Variants in RFTN2 observed in about 807,000 individuals in gnomAD.
RFTN2 encodes the protein raftlin family member 2.
In RFTN2, 34 loss-of-function variants were observed where a neutral mutation model predicts 52.7. The ratio of observed to expected loss-of-function variants is 0.64; its 90% CI spans 0.49 to 0.86. The LOEUF (loss-of-function observed/expected upper bound fraction) is 0.86, where lower values mean the gene tolerates loss of function less well. RFTN2 is among the 40% of genes least tolerant of loss of function. RFTN2 has a pLI of 0.00. For synonymous variants in RFTN2, 203 were observed against 217.7 expected (o/e 0.93, Z 0.59); for missense variants, 536 against 600.1 (o/e 0.89, Z 1.12).
At chr2:197,665,312 T>G (rs1303535573) in intron 1 of RFTN2, among the ~76,000 whole-genome samples, 1 of 152,148 alleles carries the variant, frequency 6.6e-6, no homozygotes, top group Non-Finnish European at 1.5e-5. Context: ...ATCCAATGTT[T>G]CTTTGTTATT....
chr2:197,663,440 C>G (rs917567577), intron 1 of RFTN2, among the ~76,000 whole-genome samples: 1 of 152,138 alleles, frequency 6.6e-6, no homozygotes. Flanking sequence ...CTGTCCAGTT[C>G]TGTGGTAATG....
chr2:197,575,708 T>C (rs1214117131), intron 8 of RFTN2, among the ~76,000 whole-genome samples: 1 of 144,362 alleles, frequency 6.9e-6, no homozygotes, highest in Non-Finnish European at 1.5e-5. Context: ...AAGGCCAGCT[T>C]AGGCAACATG....
intron 8 of RFTN2, among the ~76,000 whole-genome samples, chr2:197,583,602 T>G (rs1416843720): frequency 2.0e-5 from 3 of 151,864 alleles, no homozygotes; most frequent in Non-Finnish European, 4.4e-5. Flanking sequence ...GCCTCCAACT[T>G]AAAAAGGACT....
At chr2:197,618,056 C>A in intron 5 of RFTN2, 135 bp from the exon 6 acceptor site, 1 of 470,650 alleles carries the variant, frequency 2.1e-6, no homozygotes, top group Non-Finnish European at 3.3e-6. Context: ...TGCCCCCTCC[C>A]CCTCCCCCTC....
chr2:197,625,046 A>C (rs959642576), intron 5 of RFTN2, among the ~76,000 whole-genome samples: 1 of 152,018 alleles, frequency 6.6e-6, no homozygotes, highest in African/African-American at 2.4e-5. Flanking sequence ...CAGAGGCAAG[A>C]CCCTCTACCA....
At chr2:197,665,059 T>C (rs1325938232) in intron 1 of RFTN2, among the ~76,000 whole-genome samples, 1 of 152,184 alleles carries the variant, frequency 6.6e-6, no homozygotes, top group Non-Finnish European at 1.5e-5. Flanking sequence ...GCGCACTACC[T>C]GGGTGACTGG....
Position 197,572,017 on chromosome 2 carries a change from A to G in RFTN2, c.1497T>C (p.Thr499=), listed in dbSNP as rs1290264776. 1.9e-6 allele frequency: 3 copies of G among 1,614,034 alleles called. No homozygotes were observed. In the African/African-American group the frequency reaches 4.0e-5, roughly 22 times the overall value. The part of the protein sequence containing the change: ...FDQEDGVTQV[T]CM Reference sequence around the variant, plus strand: ...TGCTTCACCTCATGGCTCACATACAAGTGACCTGAGTCACTCCATCTTCCT... The same window carrying G: ...TGCTTCACCTCATGGCTCACATACAGGTGACCTGAGTCACTCCATCTTCCT... The change falls in exon 9 of 9, where the codon ACT becomes ACC. Residue 499 remains threonine, a synonymous_variant. Transcript: ENST00000295049.
chr2:197,633,810 C>T lies in RFTN2; in HGVS notation c.626G>A (p.Ser209Asn), dbSNP rs778703740. 1 of 1,613,896 alleles carries T rather than the reference C, an allele frequency of 6.2e-7. No individual in the cohort carries two copies. The highest frequency in any genetic ancestry group is 8.5e-7 in the Non-Finnish European group (1 of 1,179,848). The part of the protein sequence containing the change: ...EGTLSGQSSE[S>N]GIEEELHHES... The stretch of plus-strand genomic sequence containing the variant: ...ATGATGAAGTTCTTCCTCAATTCCG[C>T]TTTCAGATGACTGCCCACTTAACGT... The change falls in exon 4 of 9, where the codon AGC becomes AAC. Residue 209 changes from serine to asparagine, a missense_variant. Coordinates refer to ENST00000295049, the MANE Select transcript of RFTN2 (RefSeq NM_144629.3).
intron 8 of RFTN2, among the ~76,000 whole-genome samples, chr2:197,584,196 C>A (rs753449332): frequency 6.6e-6 from 1 of 152,166 alleles, no homozygotes; most frequent in Non-Finnish European, 1.5e-5. Context: ...CCTGAGGAAT[C>A]GCCACACTGT....
chr2:197,658,347 C>T (rs533626097), intron 1 of RFTN2, among the ~76,000 whole-genome samples: 135 of 152,132 alleles, frequency 8.9e-4, no homozygotes, highest in African/African-American at 2.9e-3. Flanking sequence ...CTTGACTCAC[C>T]GCAGTCTCGA....
chr2:197,663,624 A>C (rs555155168), intron 1 of RFTN2, among the ~76,000 whole-genome samples: 1 of 152,256 alleles, frequency 6.6e-6, no homozygotes, highest in African/African-American at 2.4e-5. Flanking sequence ...ATAGTTGTTC[A>C]TAGTAGTCTG....
At chr2:197,647,323 C>T (rs1406356011) in intron 1 of RFTN2, among the ~76,000 whole-genome samples, 1 of 152,040 alleles carries the variant, frequency 6.6e-6, no homozygotes, top group African/African-American at 2.4e-5. Context: ...CCCGGGCTCA[C>T]ACAATCCTTC....
intron 8 of RFTN2, among the ~76,000 whole-genome samples, chr2:197,588,971 C>A (rs1449119068): frequency 2.0e-5 from 3 of 152,060 alleles, no homozygotes; most frequent in African/African-American, 7.2e-5. Flanking sequence ...CGCCTGTAAT[C>A]CCAGCATTTT....
In RFTN2 at chr2:197,570,683, C is replaced by CTG. The variant is rs1257241456; in HGVS notation, c.*1323_*1324dup. The CTG allele has an allele frequency of 6.6e-6, 1 of 152,134 alleles. No individual in the cohort carries two copies. The highest frequency in any genetic ancestry group is 1.5e-5 in the Non-Finnish European group (1 of 68,020). The allele number at this position is 152,134 out of a possible 1,614,324, so 9.4% of individuals were successfully genotyped here. A position where few individuals can be genotyped will look rare whatever the true frequency, so the allele number is the denominator to read the frequency against. The stretch of plus-strand genomic sequence containing the variant: ...AGGTGGAGGTTGCAGTGAGCTGCGA[C>CTG]TGTGCCACTGCATTCCAGCCTGGGT... On this transcript the variant is annotated 3_prime_UTR_variant, in exon 9 of 9. Transcript: ENST00000295049.
rs115723557 is a variant in RFTN2, at chr2:197,663,691, G to A, written c.139+11629C>T. On this transcript the variant is annotated intron_variant, in intron 1 of 8. Coordinates refer to ENST00000295049, the MANE Select transcript of RFTN2 (RefSeq NM_144629.3). ...TTGTAATGTCTCCTTTTTCATTTCCGATTTGGGTCTTTTCTTGGTTAGTCT... is the reference window on the plus strand; with the variant it reads ...TTGTAATGTCTCCTTTTTCATTTCCAATTTGGGTCTTTTCTTGGTTAGTCT... 9.2e-3 allele frequency among the ~76,000 whole-genome samples: 1,404 copies of A among 152,010 alleles called. 15 individuals carry two copies. Among genetic ancestry groups the A allele is most frequent in the African/African-American group, 0.032 (1,343 of 41,462 alleles).
chr2:197,647,233 TC>T (rs1203130924), intron 1 of RFTN2, among the ~76,000 whole-genome samples: 2 of 152,180 alleles, frequency 1.3e-5, no homozygotes, highest in East Asian at 3.8e-4. Flanking sequence ...TTTCTTTTTT[TC>T]TTTTTTGAGA....
intron 5 of RFTN2, among the ~76,000 whole-genome samples, chr2:197,619,863 C>T (rs983704814): frequency 1.3e-5 from 2 of 149,060 alleles, no homozygotes; most frequent in African/African-American, 4.9e-5. Context: ...CAAAGAGCAA[C>T]ACTTTTTTTT....
chr2:197,644,498 TAGAAAGAA>T (rs766451896), intron 2 of RFTN2, among the ~76,000 whole-genome samples: 1 of 152,236 alleles, frequency 6.6e-6, no homozygotes, highest in Non-Finnish European at 1.5e-5. Flanking sequence ...ATTTGTCAGT[TAGAAAGAA>T]AGAAAAGCTT....
intron 5 of RFTN2, among the ~76,000 whole-genome samples, chr2:197,619,343 C>T (rs1013101648): frequency 1.2e-4 from 18 of 152,184 alleles, no homozygotes; most frequent in Non-Finnish European, 1.9e-4. Flanking sequence ...GGATGGTTGC[C>T]GTGTCTGTGT....
Sources: allele counts gnomAD v4.1 joint callset (sites outside exome capture counted in the v4.1 genomes callset), GRCh38; gene constraint gnomAD v4.1.1; transcripts MANE v1.5; gene names NCBI Gene and HGNC (gene_info 2026-07-23, HGNC 2026-07-21).